The following LY6S variants were observed in gnomAD, a reference collection of about 807,000 sequenced individuals.
LY6S encodes lymphocyte antigen 6S.
At chr8:143,062,034 G>A in the LY6S span, among the ~76,000 whole-genome samples, 4 of 152,108 alleles carry the variant, frequency 2.6e-5, no homozygotes, top group East Asian at 7.7e-4. Context: ...GCTCAGCCAG[G>A]CAATTAATCT....
At chr8:143,054,626 G>A in the LY6S span, among the ~76,000 whole-genome samples, 5 of 152,154 alleles carry the variant, frequency 3.3e-5, no homozygotes, top group East Asian at 1.9e-4. Context: ...AAGGGACAGC[G>A]CTCCATCGCT....
the LY6S span, chr8:143,043,275 A>T: frequency 7.4e-7 from 1 of 1,351,260 alleles, no homozygotes. Context: ...AAGTTTCAGC[A>T]GGGGGAATCC....
chr8:143,044,593 G>C, the LY6S span: 1 of 1,234,160 alleles, frequency 8.1e-7, no homozygotes. Flanking sequence ...CTGAGGGCTT[G>C]TAGGGGGACC....
chr8:143,062,518 C>CA, the LY6S span, among the ~76,000 whole-genome samples: 38 of 152,126 alleles, frequency 2.5e-4, no homozygotes, highest in African/African-American at 6.7e-4. Flanking sequence ...ACTAAATACA[C>CA]AAAAAATTAG....
At chr8:143,061,339 T>C in the LY6S span, among the ~76,000 whole-genome samples, 2 of 152,048 alleles carry the variant, frequency 1.3e-5, no homozygotes, top group African/African-American at 4.8e-5. Context: ...GAAATGCAGC[T>C]GAAATAAAAG....
chr8:143,056,315 G>T, the LY6S span, among the ~76,000 whole-genome samples: 1 of 150,882 alleles, frequency 6.6e-6, no homozygotes. Flanking sequence ...CAACTTTGGT[G>T]CTTGTCCAAG....
At chr8:143,050,035 C>A in the LY6S span, among the ~76,000 whole-genome samples, 3 of 152,172 alleles carry the variant, frequency 2.0e-5, no homozygotes, top group African/African-American at 7.2e-5. Flanking sequence ...GTGGGAGAAA[C>A]GCCTGGTCCG....
At chr8:143,070,069 G>A in the LY6S span, among the ~76,000 whole-genome samples, 1 of 151,990 alleles carries the variant, frequency 6.6e-6, no homozygotes, top group African/African-American at 2.4e-5. Flanking sequence ...CAAGGTGTCA[G>A]CAGGGCTGGC....
the LY6S span, among the ~76,000 whole-genome samples, chr8:143,043,442 A>C: frequency 1.3e-5 from 2 of 152,192 alleles, no homozygotes; most frequent in Non-Finnish European, 2.9e-5. Flanking sequence ...TGGGAGCCTG[A>C]ACATCAAAGC....
At chr8:143,066,828 C>G in the LY6S span, among the ~76,000 whole-genome samples, 1 of 152,138 alleles carries the variant, frequency 6.6e-6, no homozygotes. Flanking sequence ...TGGGGAACTA[C>G]TGAGAAGGGA....
At chr8:143,072,782 G>A in the LY6S span, among the ~76,000 whole-genome samples, 7 of 108,222 alleles carry the variant, frequency 6.5e-5, no homozygotes, top group African/African-American at 2.2e-4. Context: ...GACAGCCGTC[G>A]TCCCCGGGGT....
the LY6S span, among the ~76,000 whole-genome samples, chr8:143,076,199 CAG>C: frequency 6.6e-6 from 1 of 152,196 alleles, no homozygotes; most frequent in Admixed American, 6.5e-5. Flanking sequence ...AAGTCAGAAA[CAG>C]AACACAATTG....
At chr8:143,067,586 A>G in the LY6S span, among the ~76,000 whole-genome samples, 36,632 of 152,212 alleles carry the variant, frequency 0.24, 6,435 homozygotes, top group African/African-American at 0.48. Flanking sequence ...GGAGACCGGC[A>G]CTTAACATGC....
At chr8:143,066,095 C>T in the LY6S span, 3 of 416,286 alleles carry the variant, frequency 7.2e-6, no homozygotes, top group Admixed American at 2.8e-5. Context: ...CGAAGACACT[C>T]GCTTCGGAAA....
chr8:143,065,882 T>C, the LY6S span: 50 of 195,892 alleles, frequency 2.6e-4, 1 homozygote, highest in East Asian at 6.1e-3. Context: ...CTCCCGAGAA[T>C]AGTCTGTCTT....
the LY6S span, among the ~76,000 whole-genome samples, chr8:143,070,485 ATATATTT>A: frequency 1.2e-5 from 1 of 84,834 alleles, no homozygotes; most frequent in East Asian, 4.5e-4. Context: ...AAATATATAT[ATATATTT>A]TTTTTTTTTT....
At chr8:143,045,446 A>C in the LY6S span, among the ~76,000 whole-genome samples, 2 of 152,146 alleles carry the variant, frequency 1.3e-5, no homozygotes, top group Non-Finnish European at 2.9e-5. This position sits in a 1 kb window ranked among gnomAD's most constrained non-coding sequence, Gnocchi z 5.3. Flanking sequence ...CACAGCAGCA[A>C]AGCCAGAACA....
At chr8:143,072,779 G>A in the LY6S span, among the ~76,000 whole-genome samples, 4 of 106,396 alleles carry the variant, frequency 3.8e-5, no homozygotes, top group African/African-American at 9.3e-5. Flanking sequence ...GGAGACAGCC[G>A]TCGTCCCCGG....
At chr8:143,041,929 G>A in the LY6S span, among the ~76,000 whole-genome samples, 5 of 33,958 alleles carry the variant, frequency 1.5e-4, no homozygotes, top group South Asian at 1.9e-3. Flanking sequence ...GTCCACCCAG[G>A]GCGTTCTCAG....
Sources: gnomAD v4.1 joint callset for allele counts (sites outside exome capture counted in the v4.1 genomes callset) on GRCh38, gnomAD v4.1.1 for gene constraint, Gnocchi (gnomAD v3.1) non-coding constraint, MANE v1.5 for transcripts, NCBI Gene and HGNC (gene_info 2026-07-23, HGNC 2026-07-21) for gene names.